MAP2: variants seen among roughly 807,000 people sequenced by gnomAD.
MAP2 encodes the protein microtubule associated protein 2.
Under a neutral mutation model 137.6 loss-of-function variants are expected in MAP2, and 14 were observed. The observed-to-expected ratio is 0.10, with a 90% CI of 0.07 to 0.16. MAP2 has a LOEUF of 0.16. Among genes scored for constraint, MAP2 ranks in the 10% least tolerant of loss-of-function variants. MAP2 has a pLI of 1.00. For missense variants in MAP2, 2,088 were observed against 2,191.5 expected (o/e 0.95, Z 0.94); for synonymous variants, 786 against 782.3 (o/e 1.00, Z -0.08).
rs112636112 is a variant in MAP2, at chr2:209,589,175, A to T, written c.-107+9075A>T. Among the ~76,000 whole-genome samples the T allele has an allele frequency of 8.9e-3, 1,356 of 152,302 alleles. 22 individuals are homozygous for T. Among genetic ancestry groups the T allele is most frequent in the African/African-American group, 0.031 (1,275 of 41,564 alleles). On this transcript the variant is annotated intron_variant, in intron 3 of 15. Transcript: ENST00000682079. ...ATTTAGATTTTAAGGACAAAAAAAA[A>T]TAATCACTTCTGTACCACTTTTAAG...
intron 7 of MAP2, among the ~76,000 whole-genome samples, chr2:209,686,325 C>A (rs1008875913): frequency 6.6e-6 from 1 of 152,186 alleles, no homozygotes; most frequent in Non-Finnish European, 1.5e-5. Flanking sequence ...TAAATGTATT[C>A]TCTCTACAAA....
intron 2 of MAP2, among the ~76,000 whole-genome samples, chr2:209,518,084 A>G (rs1305060469): frequency 2.0e-5 from 3 of 152,070 alleles, no homozygotes; most frequent in African/African-American, 4.8e-5. Flanking sequence ...GCACACATGT[A>G]GTAAGCCTAC....
At chr2:209,725,654 TG>T in intron 13 of MAP2, 54 bp from the exon 14 acceptor site, 2 of 1,167,868 alleles carry the variant, frequency 1.7e-6, no homozygotes, top group African/African-American at 1.6e-5. Context: ...TGTATGAGCT[TG>T]GGTTTTTGTC....
intron 1 of MAP2, among the ~76,000 whole-genome samples, chr2:209,460,361 C>T (rs558964119): frequency 6.6e-6 from 1 of 152,244 alleles, no homozygotes; most frequent in South Asian, 2.1e-4. Context: ...TTAAAAAGAA[C>T]AAACTGGTTC....
intron 2 of MAP2, among the ~76,000 whole-genome samples, chr2:209,527,514 C>T (rs1245370611): frequency 6.6e-6 from 1 of 152,152 alleles, no homozygotes; most frequent in Admixed American, 6.6e-5. Context: ...TTCTTTCTCA[C>T]CACATCCCAC....
chr2:209,543,399 A>T (rs1205560298), intron 2 of MAP2, among the ~76,000 whole-genome samples: 1 of 152,240 alleles, frequency 6.6e-6, no homozygotes, highest in Non-Finnish European at 1.5e-5. Flanking sequence ...TGTGACACAG[A>T]AACAGTAAGT....
At chr2:209,707,443 T>C (rs77381495) in intron 12 of MAP2, among the ~76,000 whole-genome samples, 327 of 152,098 alleles carry the variant, frequency 2.1e-3, no homozygotes, top group African/African-American at 7.5e-3. Context: ...TTGTGCACCA[T>C]CCCCTTAATG....
At chr2:209,528,201 C>A (rs2064392871) in intron 2 of MAP2, among the ~76,000 whole-genome samples, 1 of 152,044 alleles carries the variant, frequency 6.6e-6, no homozygotes, top group East Asian at 1.9e-4. Context: ...TTCATCCCCC[C>A]AAACTTCCCA....
intron 2 of MAP2, among the ~76,000 whole-genome samples, chr2:209,508,671 G>A (rs532985388): frequency 2.2e-4 from 33 of 150,498 alleles, no homozygotes; most frequent in Non-Finnish European, 4.1e-4. Context: ...TCCTATCTTC[G>A]AAATCTGTAT....
chr2:209,693,221 A>C lies in MAP2; in HGVS notation c.1051A>C (p.Lys351Gln). Residue 351 changes from lysine to glutamine, a missense_variant, in exon 8 of 16, where the codon AAA becomes CAA. By Grantham distance (53) the Lys-to-Gln change is moderately conservative. This residue lies in a region of MAP2 where 859 missense variants were observed against 794.5 expected (regional missense o/e 1.08). Transcript: ENST00000682079. ...TGCCTTTTTACAGCCAGATGACAAA[A>C]AATCTCTGCAACAAACCAGTGGCCC... ...APAFLQPDDKKSLQQTSGPAT... is the reference protein window; with the variant it reads ...APAFLQPDDKQSLQQTSGPAT... 6.2e-7 allele frequency: 1 copy of C among 1,613,396 alleles called. No homozygotes were observed.
chr2:209,697,039 C>T lies in MAP2; in HGVS notation c.4510C>T (p.Arg1504Trp), dbSNP rs369892280. 6.3e-7 allele frequency: 1 copy of T among 1,598,232 alleles called. No homozygotes were observed. The highest frequency in any genetic ancestry group is 1.1e-5 in the South Asian group (1 of 86,974). ...TRPTHLSCVK[R>W]KTTAAGGESA... Reference sequence around the variant, plus strand: ...ACCAACTCATCTCTCCTGTGTTAAGCGGAAAACCACAGGTGACTGTTCAAT... The same window carrying T: ...ACCAACTCATCTCTCCTGTGTTAAGTGGAAAACCACAGGTGACTGTTCAAT... The change falls in exon 10 of 16, where the codon CGG (arginine) becomes TGG (tryptophan). Residue 1504 changes from arginine to tryptophan, a missense_variant. Physicochemically the swap from Arg to Trp is moderately radical, Grantham distance 101. Coordinates refer to ENST00000682079, the MANE Select transcript of MAP2 (RefSeq NM_001375505.1).
intron 5 of MAP2, among the ~76,000 whole-genome samples, chr2:209,670,544 C>G (rs2048359238): frequency 6.6e-6 from 1 of 151,892 alleles, no homozygotes; most frequent in South Asian, 2.1e-4. Flanking sequence ...TATTAATTTA[C>G]TACATTTTCC....
chr2:209,447,247 A>G (rs1445548544), intron 1 of MAP2, among the ~76,000 whole-genome samples: 1 of 151,970 alleles, frequency 6.6e-6, no homozygotes, highest in Non-Finnish European at 1.5e-5. Context: ...TTTGATAAAA[A>G]TGTGGCTTTT....
At chr2:209,524,305 T>A (rs1433303654) in intron 2 of MAP2, among the ~76,000 whole-genome samples, 2 of 152,110 alleles carry the variant, frequency 1.3e-5, no homozygotes, top group Admixed American at 6.6e-5. Context: ...GCAGAAGTAG[T>A]TTCTTTAGTC....
At chr2:209,664,289 C>T (rs7596850) in intron 5 of MAP2, among the ~76,000 whole-genome samples, 272 of 152,326 alleles carry the variant, frequency 1.8e-3, no homozygotes, top group African/African-American at 6.3e-3. Flanking sequence ...GTGGCTTGCG[C>T]CTGTAATCCC....
chr2:209,719,618 A>C (rs1225334682), intron 13 of MAP2, among the ~76,000 whole-genome samples: 1 of 152,234 alleles, frequency 6.6e-6, no homozygotes, highest in Non-Finnish European at 1.5e-5. Flanking sequence ...TGAAAGAAAC[A>C]ATTAAATATA....
At position 209,695,681 on chromosome 2, in the gene MAP2, G is replaced by A. The variant is rs757869881; in HGVS notation, c.3511G>A (p.Val1171Met). ...AGATGAGATTGCCGTCAAATTGTCA[G>A]TGGAAATACCTTGCCCACCTGCTGT... ...IQDEIAVKLS[V>M]EIPCPPAVSE... Residue 1171 changes from valine (V) to methionine (M), a missense_variant, in exon 8 of 16, where the codon GTG becomes ATG. Physicochemically the swap from Val to Met is conservative, Grantham distance 21. This residue lies in a region of MAP2 where 591 missense variants were observed against 642.6 expected (regional missense o/e 0.92). Coordinates refer to ENST00000682079, the MANE Select transcript of MAP2 (RefSeq NM_001375505.1). The A allele has an allele frequency of 1.2e-6, 2 of 1,614,142 alleles. No homozygotes were observed. The highest frequency in any genetic ancestry group is 1.1e-5 in the South Asian group (1 of 91,076).
At chr2:209,647,982 T>A (rs973264451) in intron 4 of MAP2, among the ~76,000 whole-genome samples, 1 of 152,178 alleles carries the variant, frequency 6.6e-6, no homozygotes, top group South Asian at 2.1e-4. Flanking sequence ...TTCTTTTTTT[T>A]AATAATATAC....
At position 209,674,255 on chromosome 2, in the gene MAP2, T is replaced by C. The variant is rs539279166; in HGVS notation, c.263-4317T>C. On this transcript the variant is annotated intron_variant, in intron 5 of 15. Transcript: ENST00000682079. ...TATTGCTCTTTCTTTAAAGTAGAAATATTAAAGTAGAAGACTCAGAAAAAT... is the reference window on the plus strand; with the variant it reads ...TATTGCTCTTTCTTTAAAGTAGAAACATTAAAGTAGAAGACTCAGAAAAAT... 5.6e-4 allele frequency among the ~76,000 whole-genome samples: 85 copies of C among 151,912 alleles called. 3 individuals are homozygous for C. In the South Asian group the frequency reaches 0.017, roughly 30 times the overall value.
Sources: allele counts gnomAD v4.1 joint callset (sites outside exome capture counted in the v4.1 genomes callset), GRCh38; gene constraint gnomAD v4.1.1; regional missense constraint gnomAD v4.1.1; transcripts MANE v1.5; gene names NCBI Gene and HGNC (gene_info 2026-07-23, HGNC 2026-07-21).